UNC79: variants seen among roughly 807,000 people sequenced by gnomAD.
UNC79 encodes unc-79 subunit of NALCN channel complex.
UNC79 carries 37 observed loss-of-function variants against 283.1 expected under a neutral mutation model. The ratio of observed to expected loss-of-function variants is 0.13; its 90% confidence interval spans 0.10 to 0.17. UNC79 has a LOEUF of 0.17. Among genes scored for constraint, UNC79 ranks in the 10% least tolerant of loss-of-function variants. UNC79 has a pLI of 1.00. For synonymous variants in UNC79, 1,107 were observed against 1,200.2 expected (o/e 0.92, Z 1.61); for missense variants, 2,272 against 3,211.1 (o/e 0.71, Z 7.07).
rs140450773 is a variant in UNC79 at position 93,395,652 on chromosome 14, C to T, written c.-351+62129C>T. ...GAGCCAAACCATATCAATAGTTTTG[C>T]TGGCTATAGAATTTATTAGTGTTTT... On this transcript the variant is annotated intron_variant, in intron 1 of 49. Coordinates refer to the UNC79 transcript ENST00000256339. Among the ~76,000 whole-genome samples the T allele has an allele frequency of 2.7e-3, 408 of 152,278 alleles. 1 individual carries two copies. Among genetic ancestry groups the T allele is most frequent in the African/African-American group, 9.3e-3 (386 of 41,572 alleles).
At chr14:93,594,414 T>G (rs1262621084) in intron 23 of UNC79, among the ~76,000 whole-genome samples, 1 of 151,950 alleles carries the variant, frequency 6.6e-6, no homozygotes. Flanking sequence ...GGGCTACAGG[T>G]GCATGCTACT....
chr14:93,399,449 T>C (rs1258634949), intron 1 of UNC79, among the ~76,000 whole-genome samples: 5 of 152,202 alleles, frequency 3.3e-5, no homozygotes, highest in Non-Finnish European at 5.9e-5. Context: ...CTGGGCACTA[T>C]TGAAGATACA....
chr14:93,444,977 CT>C (rs1224114248), intron 1 of UNC79, among the ~76,000 whole-genome samples: 1 of 152,102 alleles, frequency 6.6e-6, no homozygotes, highest in Non-Finnish European at 1.5e-5. Flanking sequence ...CATATGTAAA[CT>C]TATTTATGTC....
chr14:93,553,452 A>T (rs1022561104), intron 14 of UNC79, among the ~76,000 whole-genome samples: 1 of 152,200 alleles, frequency 6.6e-6, no homozygotes, highest in Admixed American at 6.5e-5. Context: ...CTCAGTCTCC[A>T]GGTTGTCAGA....
exon 30 of UNC79, chr14:93,622,517 G>A (rs1291794965): frequency 2.5e-6 from 4 of 1,614,082 alleles, no homozygotes; most frequent in Non-Finnish European, 1.7e-6. Flanking sequence ...GATGTCGCTG[G>A]ATGATCACCC....
At chr14:93,354,137 A>G (rs1254309516) in intron 1 of UNC79, among the ~76,000 whole-genome samples, 1 of 152,232 alleles carries the variant, frequency 6.6e-6, no homozygotes, top group Non-Finnish European at 1.5e-5. Context: ...TGAGGGGGCC[A>G]ATATCTTTAA....
chr14:93,692,555 T>A (rs1023212104), intron 46 of UNC79, among the ~76,000 whole-genome samples: 1 of 152,148 alleles, frequency 6.6e-6, no homozygotes, highest in African/African-American at 2.4e-5. Context: ...TTTGTGGTGG[T>A]TTAAGAGTAG....
intron 1 of UNC79, among the ~76,000 whole-genome samples, chr14:93,371,852 CA>C (rs931573363): frequency 6.6e-6 from 1 of 150,786 alleles, no homozygotes; most frequent in African/African-American, 2.4e-5. Context: ...AAAAAAAAAC[CA>C]AAAAAAACAA....
intron 1 of UNC79, among the ~76,000 whole-genome samples, chr14:93,440,561 G>A (rs1432440381): frequency 1.3e-5 from 2 of 148,180 alleles, no homozygotes; most frequent in African/African-American, 5.0e-5. Context: ...ATTGAGATAG[G>A]CATTTCATGC....
At chr14:93,355,211 T>C (rs1191118652) in intron 1 of UNC79, among the ~76,000 whole-genome samples, 1 of 151,574 alleles carries the variant, frequency 6.6e-6, no homozygotes, top group Non-Finnish European at 1.5e-5. Context: ...TTTTTCCCCC[T>C]GAGACAGAGT....
At chr14:93,498,582 C>A (rs1450530105) in intron 7 of UNC79, among the ~76,000 whole-genome samples, 2 of 152,118 alleles carry the variant, frequency 1.3e-5, no homozygotes, top group East Asian at 3.9e-4. Context: ...CAGAGTGAGA[C>A]TCTGTCTCAA....
chr14:93,448,168 G>C (rs1024358672), intron 1 of UNC79, among the ~76,000 whole-genome samples: 1 of 144,930 alleles, frequency 6.9e-6, no homozygotes, highest in Non-Finnish European at 1.5e-5. Flanking sequence ...CTGAGACTCG[G>C]TTCTTTTTTT....
At position 93,691,235 on chromosome 14, in the gene UNC79, C is replaced by T. The variant is rs547871143; in HGVS notation, c.7273-514C>T. ...GAGGTGATATAGGAAAAGCCTCTGGCGCCATCTCTGGCGTGTTGTAGGTGC... is the reference window on the plus strand; with the variant it reads ...GAGGTGATATAGGAAAAGCCTCTGGTGCCATCTCTGGCGTGTTGTAGGTGC... On this transcript the variant is annotated intron_variant, in intron 45 of 48. Coordinates refer to ENST00000555664, the Ensembl canonical transcript of UNC79. 1.6e-4 allele frequency: 26 copies of T among 165,116 alleles called. No individual in the cohort carries two copies. In the East Asian group the frequency reaches 3.7e-3, roughly 24 times the overall value. The allele number at this position is 165,116 out of a possible 1,614,324, so 10.2% of individuals were successfully genotyped here.
intron 42 of UNC79, 66 bp downstream of exon 45, chr14:93,682,760 G>C: frequency 6.6e-7 from 1 of 1,507,216 alleles, no homozygotes; most frequent in East Asian, 2.3e-5. Context: ...AAGAATGTAG[G>C]CTTTAGACTT....
chr14:93,455,811 C>G (rs948450443), intron 1 of UNC79, among the ~76,000 whole-genome samples: 12 of 151,938 alleles, frequency 7.9e-5, no homozygotes, highest in Admixed American at 6.6e-4. Context: ...TGACTTTATC[C>G]ACGTTCTCAT....
At chr14:93,539,182 C>T (rs1307854233) in intron 12 of UNC79, among the ~76,000 whole-genome samples, 3 of 147,088 alleles carry the variant, frequency 2.0e-5, no homozygotes, top group Non-Finnish European at 4.5e-5. Flanking sequence ...GGATTACAGG[C>T]GTGAGCCACC....
intron 28 of UNC79, 152 bp from the exon 30 acceptor site, chr14:93,618,040 G>A: frequency 2.5e-6 from 2 of 809,370 alleles, no homozygotes; most frequent in South Asian, 4.4e-5. Context: ...AATAAATAAG[G>A]CCATGAGCAG....
chr14:93,372,172 CTTAA>C (rs1433725347), intron 1 of UNC79, among the ~76,000 whole-genome samples: 1 of 150,698 alleles, frequency 6.6e-6, no homozygotes, highest in African/African-American at 2.4e-5. Context: ...AATTTTTCTT[CTTAA>C]TTGGTCATAA....
chr14:93,614,545 C>T (rs1264854335), intron 27 of UNC79, among the ~76,000 whole-genome samples: 1 of 151,782 alleles, frequency 6.6e-6, no homozygotes, highest in Non-Finnish European at 1.5e-5. Flanking sequence ...TCTTGAGCTC[C>T]TGGCCTCAAG....
Sources: gnomAD v4.1 joint callset for allele counts (sites outside exome capture counted in the v4.1 genomes callset) on GRCh38, gnomAD v4.1.1 for gene constraint, MANE v1.5 for transcripts, NCBI Gene and HGNC (gene_info 2026-07-23, HGNC 2026-07-21) for gene names.